Variants in BDNF observed in about 807,000 individuals in gnomAD.
BDNF encodes the protein neurotrophic factor BDNF precursor form.
Under a neutral mutation model 19.5 loss-of-function variants are expected in BDNF, and 1 was observed. That is an observed-to-expected ratio of 0.05 (90% CI 0.02 to 0.24). BDNF has a LOEUF of 0.24. Among genes scored for constraint, BDNF ranks in the 10% least tolerant of loss-of-function variants. The pLI is 1.00. For synonymous variants in BDNF, 100 were observed against 121.6 expected (o/e 0.82, Z 1.17); for missense variants, 195 against 317.6 (o/e 0.61, Z 2.93).
At chr11:27,699,474 T>C in intron 1 of BDNF, 1 of 1,614,074 alleles carries the variant, frequency 6.2e-7, no homozygotes, top group Non-Finnish European at 8.5e-7. Flanking sequence ...GTCAAAACTC[T>C]TAACTTCCCT....
chr11:27,701,093 C>G (rs1204883642), upstream of BDNF: 2 of 1,317,686 alleles, frequency 1.5e-6, no homozygotes, highest in African/African-American at 3.0e-5. Flanking sequence ...AGAGTTCGCG[C>G]ACTGACCTCT....
chr11:27,684,067 C>T (rs1857177746), intron 1 of BDNF, among the ~76,000 whole-genome samples: 1 of 152,014 alleles, frequency 6.6e-6, no homozygotes, highest in African/African-American at 2.4e-5. Context: ...TGTTTGTGTC[C>T]TCTCTTATTT....
Position 27,700,183 on chromosome 11 carries a change from T to A in BDNF, c.-41A>T, listed in dbSNP as rs1859739794. On this transcript the variant is annotated 5_prime_UTR_variant, in exon 1 of 2. Transcript: ENST00000356660. ...GCCTACCTCGGGGTCCACACAAACC[T>A]CACGGGTCCCCGGCGGCGGAGTCAC... 2.0e-6 allele frequency: 2 copies of A among 985,538 alleles called. No homozygotes were observed. The highest frequency in any genetic ancestry group is 1.7e-5 in the African/African-American group (1 of 57,208). 61.0% of individuals were successfully genotyped at this position (985,538 alleles called of 1,614,324 possible).
At chr11:27,711,374 AG>A (rs1860321110) in intron 1 of BDNF, among the ~76,000 whole-genome samples, 1 of 152,230 alleles carries the variant, frequency 6.6e-6, no homozygotes, top group African/African-American at 2.4e-5. Flanking sequence ...GGCTTCAAAA[AG>A]GGTAGGTGAC....
chr11:27,699,745 C>A, intron 1 of BDNF: 1 of 1,321,554 alleles, frequency 7.6e-7, no homozygotes, highest in East Asian at 3.1e-5. Context: ...CGGGGACCAC[C>A]CACCCCCTGG....
upstream of BDNF, among the ~76,000 whole-genome samples, chr11:27,702,991 C>G (rs369102494): frequency 7.0e-4 from 107 of 152,272 alleles, 5 homozygotes; most frequent in South Asian, 0.022. Flanking sequence ...ACTAAATAGT[C>G]AAATTATTCA....
chr11:27,701,401 T>A, upstream of BDNF: 2 of 1,036,052 alleles, frequency 1.9e-6, no homozygotes, highest in Non-Finnish European at 2.3e-6. Flanking sequence ...TTCCCTTCGC[T>A]TAATTAAAGG....
chr11:27,699,860 G>A (rs1590460350), intron 1 of BDNF, among the ~76,000 whole-genome samples: 1 of 152,144 alleles, frequency 6.6e-6, no homozygotes, highest in Non-Finnish European at 1.5e-5. Flanking sequence ...GGAGGGCTGC[G>A]AGGGATCCCC....
chr11:27,672,611 C>T (rs1368450376), intron 1 of BDNF, among the ~76,000 whole-genome samples: 4 of 152,136 alleles, frequency 2.6e-5, no homozygotes, highest in Admixed American at 2.6e-4. Flanking sequence ...GCAGCAACAA[C>T]AACAATGAAA....
chr11:27,720,400 A>G, intron 1 of BDNF: 1 of 985,822 alleles, frequency 1.0e-6, no homozygotes, highest in Non-Finnish European at 1.2e-6. Context: ...AAACACTTGC[A>G]TTTCCCAAAG....
In BDNF at chr11:27,658,267, C is replaced by G. The variant is rs1304281269; in HGVS notation, c.298G>C (p.Val100Leu). ...AAGAGAAGAGGAGGCTCCAAAGGCA[C>G]TTGACTACTGAGCATCACCCTGGAC... ...YTSRVMLSSQ[V>L]PLEPPLLFLL... Residue 100 changes from valine to leucine, a missense_variant, in exon 2 of 2, where the codon GTG becomes CTG. By Grantham distance (32) the Val-to-Leu change is conservative. This residue lies in a region of BDNF where 124 missense variants were observed against 155.0 expected (regional missense o/e 0.80). Transcript: ENST00000356660. The surrounding 1 kb of genome is among the most constrained non-coding windows in gnomAD (Gnocchi z 5.7). 6.2e-7 allele frequency: 1 copy of G among 1,614,070 alleles called. No homozygotes were observed. The highest frequency in any genetic ancestry group is 8.5e-7 in the Non-Finnish European group (1 of 1,180,040).
chr11:27,684,268 T>C (rs1857199753), intron 1 of BDNF, among the ~76,000 whole-genome samples: 1 of 152,226 alleles, frequency 6.6e-6, no homozygotes, highest in Non-Finnish European at 1.5e-5. Context: ...GAGACTTTGC[T>C]GAAGTTGCTT....
At chr11:27,689,238 G>A in intron 1 of BDNF, among the ~76,000 whole-genome samples, 1 of 152,192 alleles carries the variant, frequency 6.6e-6, no homozygotes, top group South Asian at 2.1e-4. Flanking sequence ...GTGGTAAGGG[G>A]ACTAGGTTAG....
At chr11:27,691,639 T>C (rs890114051) in intron 1 of BDNF, among the ~76,000 whole-genome samples, 16 of 152,230 alleles carry the variant, frequency 1.1e-4, no homozygotes, top group Non-Finnish European at 1.9e-4. Context: ...TACTCATTCA[T>C]ACTTGGAGTG....
intron 1 of BDNF, among the ~76,000 whole-genome samples, chr11:27,672,866 G>C (rs939230851): frequency 6.6e-6 from 1 of 152,122 alleles, no homozygotes; most frequent in Non-Finnish European, 1.5e-5. Flanking sequence ...GGGCAGCTTT[G>C]CAAGTAGAAC....
At chr11:27,677,691 A>G (rs1856339314) in intron 1 of BDNF, 1 of 152,258 alleles carries the variant, frequency 6.6e-6, no homozygotes, top group South Asian at 2.1e-4. Flanking sequence ...TGAGCAGGGT[A>G]TAAGTGGGGC....
intron 1 of BDNF, chr11:27,659,644 T>TGTGCGC (rs1853107176): frequency 9.0e-6 from 9 of 997,812 alleles, no homozygotes; most frequent in Non-Finnish European, 1.1e-5. Context: ...TGTGTGTGTG[T>TGTGCGC]GTGTGCGCGC....
intron 1 of BDNF, chr11:27,699,664 G>A: frequency 1.4e-6 from 2 of 1,422,422 alleles, no homozygotes; most frequent in Non-Finnish European, 1.8e-6. Flanking sequence ...GCAGGTAGCC[G>A]TGTGCAGCTC....
intron 1 of BDNF, among the ~76,000 whole-genome samples, chr11:27,678,306 C>G (rs1337373276): frequency 6.6e-6 from 1 of 152,154 alleles, no homozygotes. Flanking sequence ...ACAACACAAC[C>G]CTGAGGGGGT....
Sources: allele counts gnomAD v4.1 joint callset (sites outside exome capture counted in the v4.1 genomes callset), GRCh38; gene constraint gnomAD v4.1.1; regional missense constraint gnomAD v4.1.1; non-coding constraint Gnocchi (gnomAD v3.1); transcripts MANE v1.5; gene names NCBI Gene and HGNC (gene_info 2026-07-23, HGNC 2026-07-21).